The following TAFA1 variants were observed in gnomAD, a reference collection of about 807,000 sequenced individuals.
The protein encoded by TAFA1 is chemokine-like protein TAFA-1.
A neutral mutation model predicts 18.5 loss-of-function variants in TAFA1; 4 were observed. The observed-to-expected ratio is 0.22, with a 90% CI of 0.11 to 0.49. TAFA1 has a LOEUF of 0.49. TAFA1 is among the 20% of genes least tolerant of loss of function. The probability of loss-of-function intolerance (pLI) is 0.98; values close to 1 mark genes in which losing one functional copy is unlikely to be tolerated. For synonymous variants in TAFA1, 56 were observed against 55.2 expected, an observed-to-expected ratio of 1.01 and a Z score of -0.06; for missense variants, 147 against 169.0, an observed-to-expected ratio of 0.87 and a Z score of 0.72.
intron 3 of TAFA1, among the ~76,000 whole-genome samples, chr3:68,535,732 G>C (rs2073269383): frequency 6.6e-6 from 1 of 152,058 alleles, no homozygotes; most frequent in Admixed American, 6.6e-5. Context: ...GAGTTTATTT[G>C]AACCAAAATA....
chr3:68,032,498 G>T (rs1307981936), intron 2 of TAFA1, among the ~76,000 whole-genome samples: 1 of 152,156 alleles, frequency 6.6e-6, no homozygotes, highest in Non-Finnish European at 1.5e-5. Context: ...TTTGTTGACA[G>T]ACTCTTGTAG....
intron 2 of TAFA1, among the ~76,000 whole-genome samples, chr3:68,155,312 G>T (rs2065854355): frequency 6.6e-6 from 1 of 152,172 alleles, no homozygotes. Flanking sequence ...CCAGAACTGT[G>T]CAGCCTTAGC....
At chr3:68,513,299 A>G (rs1351981918) in intron 3 of TAFA1, among the ~76,000 whole-genome samples, 1 of 152,164 alleles carries the variant, frequency 6.6e-6, no homozygotes, top group Non-Finnish European at 1.5e-5. Flanking sequence ...CTGCTGTACC[A>G]GATCGATCAC....
At chr3:68,186,899 A>G (rs1396207645) in intron 2 of TAFA1, among the ~76,000 whole-genome samples, 2 of 151,838 alleles carry the variant, frequency 1.3e-5, no homozygotes, top group African/African-American at 4.8e-5. Flanking sequence ...TAGCCCACAT[A>G]TGATTCTTCT....
At chr3:68,530,924 T>C (rs757147903) in intron 3 of TAFA1, among the ~76,000 whole-genome samples, 18 of 152,284 alleles carry the variant, frequency 1.2e-4, no homozygotes, top group South Asian at 2.1e-4. Flanking sequence ...CATGGACTCA[T>C]GGACTCAAAA....
chr3:68,462,490 T>C (rs1405071246), intron 3 of TAFA1, among the ~76,000 whole-genome samples: 1 of 152,216 alleles, frequency 6.6e-6, no homozygotes, highest in Non-Finnish European at 1.5e-5. Context: ...TCACTAGCCA[T>C]GTGGAACTGT....
intron 2 of TAFA1, among the ~76,000 whole-genome samples, chr3:68,154,710 G>T (rs1217765751): frequency 1.3e-5 from 2 of 152,056 alleles, no homozygotes; most frequent in African/African-American, 4.8e-5. Context: ...TCCCTGTTCT[G>T]GGGGCCCTGC....
At chr3:68,542,826 G>A (rs1028056631) in intron 4 of TAFA1, among the ~76,000 whole-genome samples, 2 of 152,140 alleles carry the variant, frequency 1.3e-5, no homozygotes, top group Non-Finnish European at 2.9e-5. Context: ...ATGTGGGAAG[G>A]GGGTAGAGGA....
At chr3:68,389,975 A>G (rs1398370817) in intron 2 of TAFA1, among the ~76,000 whole-genome samples, 1 of 152,020 alleles carries the variant, frequency 6.6e-6, no homozygotes, top group East Asian at 1.9e-4. Context: ...TTTTTCTTGT[A>G]CCCCAGTGGT....
At chr3:68,449,774 C>T (rs776692606) in intron 3 of TAFA1, among the ~76,000 whole-genome samples, 8 of 152,150 alleles carry the variant, frequency 5.3e-5, no homozygotes, top group Non-Finnish European at 1.2e-4. Context: ...GCTTAAAGCA[C>T]ATTTTTCTTA....
At chr3:68,403,106 A>G (rs993918183) in intron 2 of TAFA1, among the ~76,000 whole-genome samples, 7 of 152,222 alleles carry the variant, frequency 4.6e-5, no homozygotes, top group Non-Finnish European at 1.0e-4. Context: ...TATGCAGTAC[A>G]ATAGCATGCT....
chr3:68,242,510 C>G (rs2067012376), intron 2 of TAFA1, among the ~76,000 whole-genome samples: 1 of 152,034 alleles, frequency 6.6e-6, no homozygotes, highest in Admixed American at 6.6e-5. Context: ...ATCTCTAGCA[C>G]CTGTGCCTGA....
At chr3:68,105,031 G>A (rs1468721473) in intron 2 of TAFA1, among the ~76,000 whole-genome samples, 1 of 152,116 alleles carries the variant, frequency 6.6e-6, no homozygotes, top group Non-Finnish European at 1.5e-5. Flanking sequence ...GAAGCAAAGG[G>A]AGATCTGATG....
intron 3 of TAFA1, among the ~76,000 whole-genome samples, chr3:68,499,230 A>G (rs1409271215): frequency 1.3e-5 from 2 of 151,072 alleles, no homozygotes; most frequent in Non-Finnish European, 2.9e-5. Flanking sequence ...TATCTAGGGT[A>G]GAATTTTTCA....
At chr3:68,275,474 T>A (rs1004096261) in intron 2 of TAFA1, among the ~76,000 whole-genome samples, 1 of 150,300 alleles carries the variant, frequency 6.7e-6, no homozygotes, top group African/African-American at 2.4e-5. Flanking sequence ...AGACTTCAGA[T>A]CATCCAAGGC....
At chr3:68,208,646 A>G (rs2066555946) in intron 2 of TAFA1, among the ~76,000 whole-genome samples, 1 of 151,964 alleles carries the variant, frequency 6.6e-6, no homozygotes, top group Non-Finnish European at 1.5e-5. Context: ...GTTGGCCTGA[A>G]CAATATTTTA....
chr3:68,117,234 G>C (rs938977909), intron 2 of TAFA1, among the ~76,000 whole-genome samples: 1 of 152,084 alleles, frequency 6.6e-6, no homozygotes. Context: ...TGGGGTTTTG[G>C]TTATGCTAAA....
At chr3:68,463,414 C>A (rs1386224363) in intron 3 of TAFA1, among the ~76,000 whole-genome samples, 1 of 152,092 alleles carries the variant, frequency 6.6e-6, no homozygotes, top group Non-Finnish European at 1.5e-5. Flanking sequence ...AGGTTTTCAT[C>A]AAAAAGTTTT....
At chr3:68,505,674 T>C (rs564178063) in intron 3 of TAFA1, among the ~76,000 whole-genome samples, 15 of 151,964 alleles carry the variant, frequency 9.9e-5, no homozygotes, top group African/African-American at 3.6e-4. Context: ...GGGACCCAGC[T>C]TGTTCCTGGC....
Sources: gnomAD v4.1 joint callset for allele counts (sites outside exome capture counted in the v4.1 genomes callset) on GRCh38, gnomAD v4.1.1 for gene constraint, MANE v1.5 for transcripts, NCBI Gene and HGNC (gene_info 2026-07-23, HGNC 2026-07-21) for gene names.